Variants in PDGFRA observed in about 807,000 individuals in gnomAD.
PDGFRA encodes the protein platelet-derived growth factor receptor alpha.
A neutral mutation model predicts 121.5 loss-of-function variants in PDGFRA; 25 were observed. That is an observed-to-expected ratio of 0.21 (90% CI 0.15 to 0.29). The LOEUF (loss-of-function observed/expected upper bound fraction) is 0.29. Ranked by LOEUF, PDGFRA falls within the 10% of genes least tolerant of loss-of-function variation. The pLI is 1.00. For synonymous variants in PDGFRA, 463 were observed against 494.8 expected, an observed-to-expected ratio of 0.94 and a Z score of 0.85; for missense variants, 1,008 against 1,345.1, an observed-to-expected ratio of 0.75 and a Z score of 3.92.
intron 1 of PDGFRA, among the ~76,000 whole-genome samples, chr4:54,241,916 C>A (rs1721321934): frequency 6.6e-6 from 1 of 152,146 alleles, no homozygotes; most frequent in South Asian, 2.1e-4. Context: ...AGTTTTTCTT[C>A]AAGTATTGGT....
intron 5 of PDGFRA, chr4:54,265,396 C>T (rs923317756): frequency 1.5e-5 from 5 of 323,876 alleles, no homozygotes. Flanking sequence ...ATTGCGGAGA[C>T]AGTGATTGAT....
intron 22 of PDGFRA, among the ~76,000 whole-genome samples, chr4:54,292,337 C>G (rs139259021): frequency 1.3e-5 from 2 of 152,098 alleles, no homozygotes; most frequent in Non-Finnish European, 2.9e-5. Context: ...ACGATGCAGC[C>G]GTAAAAAGGA....
chr4:54,267,363 C>T lies in PDGFRA; in HGVS notation c.834C>T (p.Pro278=), dbSNP rs770523141. 2.3e-5 allele frequency: 37 copies of T among 1,613,982 alleles called. No individual in the cohort carries two copies. The highest frequency in any genetic ancestry group is 2.2e-4 in the South Asian group (20 of 91,086). Residue 278 remains proline, a synonymous_variant, in exon 6 of 23, where the codon CCC becomes CCT. Coordinates refer to ENST00000257290, the MANE Select transcript of PDGFRA (RefSeq NM_006206.6). The part of the protein sequence containing the change: ...SIKLVYTLTV[P]EATVKDSGDY... ...AATTGGTGTACACTTTGACGGTCCCCGAGGCCACGGTGAAAGACAGTGGAG... is the reference window on the plus strand; with the variant it reads ...AATTGGTGTACACTTTGACGGTCCCTGAGGCCACGGTGAAAGACAGTGGAG...
rs550945332 is a variant in PDGFRA at position 54,298,179 on chromosome 4, G to A, written c.*2907G>A. 3.3e-4 allele frequency: 69 copies of A among 206,822 alleles called. No individual in the cohort carries two copies. The highest frequency in any genetic ancestry group is 1.4e-3 in the African/African-American group (62 of 43,946). 12.8% of individuals were successfully genotyped at this position (206,822 alleles called of 1,614,324 possible). A position where few individuals can be genotyped will look rare whatever the true frequency, so the allele number is the denominator to read the frequency against. Reference sequence around the variant, plus strand: ...ATGTATTACGAATGCCCCTGTTCATGTTTTTGTTTTAAAACGTGTAAATGA... The same window carrying A: ...ATGTATTACGAATGCCCCTGTTCATATTTTTGTTTTAAAACGTGTAAATGA... On this transcript the variant is annotated 3_prime_UTR_variant, in exon 23 of 23. Transcript: ENST00000257290.
chr4:54,236,695 C>T (rs576301430), intron 1 of PDGFRA, among the ~76,000 whole-genome samples: 172 of 152,028 alleles, frequency 1.1e-3, no homozygotes, highest in African/African-American at 4.0e-3. Flanking sequence ...ACCAGCTACT[C>T]GGGAGGCTGA....
intron 22 of PDGFRA, among the ~76,000 whole-genome samples, chr4:54,293,457 G>A (rs978135329): frequency 7.5e-6 from 1 of 133,290 alleles, no homozygotes; most frequent in Admixed American, 8.2e-5. Flanking sequence ...TTGAGATGGA[G>A]TCTCGCTCTG....
At chr4:54,268,412 T>C (rs979659273) in intron 7 of PDGFRA, among the ~76,000 whole-genome samples, 2 of 152,214 alleles carry the variant, frequency 1.3e-5, no homozygotes, top group Non-Finnish European at 2.9e-5. Context: ...GATGATATCA[T>C]GAGGCCTCTT....
At chr4:54,261,798 A>G (rs1722732869) in intron 3 of PDGFRA, among the ~76,000 whole-genome samples, 1 of 150,996 alleles carries the variant, frequency 6.6e-6, no homozygotes, top group African/African-American at 2.4e-5. Context: ...GTTCATTATA[A>G]TATCTTCCAA....
At chr4:54,239,663 A>G (rs369184901) in intron 1 of PDGFRA, among the ~76,000 whole-genome samples, 1 of 151,892 alleles carries the variant, frequency 6.6e-6, no homozygotes, top group Admixed American at 6.6e-5. Flanking sequence ...AATGTTCTTC[A>G]TTTTGGACAG....
rs972802853 is a variant in PDGFRA, at chr4:54,261,938, T to A, written c.367+526T>A. 4.6e-3 allele frequency among the ~76,000 whole-genome samples: 667 copies of A among 143,716 alleles called. 17 individuals are homozygous for A. Among genetic ancestry groups the A allele is most frequent in the African/African-American group, 0.016 (646 of 39,300 alleles). 94.3% of individuals were successfully genotyped at this position (143,716 alleles called of 152,430 possible). A position where few individuals can be genotyped will look rare whatever the true frequency, so the allele number is the denominator to read the frequency against. On this transcript the variant is annotated intron_variant, in intron 3 of 22. Transcript: ENST00000257290. The stretch of plus-strand genomic sequence containing the variant: ...ATATATATATATATATATATTTTTT[T>A]TTTTTTTGGTAACAGGGTCTCACTC...
rs1722519144 is a variant in PDGFRA, at chr4:54,258,798, C to G, written c.30C>G (p.Val10=). The change falls in exon 2 of 23, where the codon GTC becomes GTG. Residue 10 remains valine, a synonymous_variant. Coordinates refer to ENST00000257290, the MANE Select transcript of PDGFRA (RefSeq NM_006206.6). MGTSHPAFL[V]LGCLLTGLSL... is the part of the protein sequence containing the mutation. ...GGACTTCCCATCCGGCGTTCCTGGT[C>G]TTAGGCTGTCTTCTCACAGGTACGG... The G allele has an allele frequency of 1.2e-6, 2 of 1,613,704 alleles. No homozygotes were observed. The highest frequency in any genetic ancestry group is 3.3e-4 in the Middle Eastern group (2 of 6,084).
Position 54,272,405 on chromosome 4 carries a change from A to G in PDGFRA, c.1249A>G (p.Ile417Val). ...FELLTQVPSS[I>V]LDLVDDHHGS... ...TCTGCCTCTTGCAGTTCCTTCATCCATTCTGGACTTGGTCGATGATCACCA... is the reference window on the plus strand; with the variant it reads ...TCTGCCTCTTGCAGTTCCTTCATCCGTTCTGGACTTGGTCGATGATCACCA... Residue 417 changes from isoleucine (I) to valine (V), a missense_variant, in exon 9 of 23, where the codon ATT becomes GTT. Coordinates refer to ENST00000257290, the MANE Select transcript of PDGFRA (RefSeq NM_006206.6). The G allele has an allele frequency of 1.2e-6, 2 of 1,613,974 alleles. No homozygotes were observed. The highest frequency in any genetic ancestry group is 4.5e-5 in the East Asian group (2 of 44,814).
At chr4:54,287,342 G>A (rs900433462) in intron 18 of PDGFRA, 88 bp from the exon 19 acceptor site, 1 of 773,848 alleles carries the variant, frequency 1.3e-6, no homozygotes, top group Non-Finnish European at 2.4e-6. Flanking sequence ...AAGTTATTAA[G>A]AGCCCAAGGG....
At chr4:54,271,040 C>G (rs1206482224) in intron 8 of PDGFRA, among the ~76,000 whole-genome samples, 1 of 152,132 alleles carries the variant, frequency 6.6e-6, no homozygotes, top group Non-Finnish European at 1.5e-5. Flanking sequence ...TGGGTTCAAG[C>G]TATCTTCCCA....
rs759729258 is a variant in PDGFRA, at chr4:54,261,320, C to T, written c.275C>T (p.Ala92Val). ...GTCTTGGAAGTGAGCAGTGCCTCGG[C>T]GGCCCACACAGGGTTGTACACTTGC... Reference protein sequence around the residue: ...VTVLEVSSASAAHTGLYTCYY... With the variant: ...VTVLEVSSASVAHTGLYTCYY... Residue 92 changes from alanine (A) to valine (V), a missense_variant, in exon 3 of 23, where the codon GCG becomes GTG. Physicochemically the swap from Ala to Val is moderately conservative, Grantham distance 64. Around this residue, in one of 5 missense-constraint regions of PDGFRA, gnomAD observed 575 missense variants for 701.8 expected, o/e 0.82. Coordinates refer to ENST00000257290, the MANE Select transcript of PDGFRA (RefSeq NM_006206.6). 15 of 1,613,818 alleles carry T rather than the reference C, an allele frequency of 9.3e-6. No individual in the cohort carries two copies. Among genetic ancestry groups the T allele is most frequent in the South Asian group, 5.5e-5 (5 of 91,078 alleles).
At chr4:54,232,792 C>T (rs1720758450) in intron 1 of PDGFRA, among the ~76,000 whole-genome samples, 2 of 152,188 alleles carry the variant, frequency 1.3e-5, no homozygotes, top group African/African-American at 4.8e-5. Context: ...ACCATATTGG[C>T]CATGCTGGTC....
intron 1 of PDGFRA, among the ~76,000 whole-genome samples, chr4:54,233,241 C>G (rs1720799246): frequency 6.6e-6 from 1 of 152,228 alleles, no homozygotes; most frequent in African/African-American, 2.4e-5. Flanking sequence ...CCGGGACAAC[C>G]AAGCCGCCGA....
intron 3 of PDGFRA, among the ~76,000 whole-genome samples, chr4:54,263,294 A>T (rs1722854624): frequency 6.6e-6 from 1 of 151,604 alleles, no homozygotes; most frequent in African/African-American, 2.4e-5. Flanking sequence ...GTTAGTATTT[A>T]TTTATTTATT....
intron 11 of PDGFRA, 77 bp from the exon 12 acceptor site, chr4:54,274,764 C>A: frequency 7.8e-6 from 12 of 1,546,566 alleles, no homozygotes; most frequent in Non-Finnish European, 9.8e-6. Context: ...TGTGTCCAGT[C>A]ACTGTGCTGC....
Sources: gnomAD v4.1 joint callset for allele counts (sites outside exome capture counted in the v4.1 genomes callset) on GRCh38, gnomAD v4.1.1 for gene constraint, gnomAD v4.1.1 regional missense constraint, MANE v1.5 for transcripts, NCBI Gene and HGNC (gene_info 2026-07-23, HGNC 2026-07-21) for gene names.